Variants in CDH2 observed in about 807,000 individuals in gnomAD.
CDH2 encodes the protein cadherin-2.
In CDH2, 17 loss-of-function variants were observed where a neutral mutation model predicts 92.0. That is an observed-to-expected ratio of 0.18 (90% CI 0.13 to 0.28). CDH2 has a LOEUF of 0.28. CDH2 is among the 10% of genes least tolerant of loss of function. CDH2 has a pLI of 1.00. For missense variants in CDH2, 862 were observed against 1,133.1 expected (o/e 0.76, Z 3.44); for synonymous variants, 419 against 415.9 (o/e 1.01, Z -0.09).
chr18:27,959,433 C>A (rs1182392994), intron 15 of CDH2: 1 of 152,204 alleles, frequency 6.6e-6, no homozygotes, highest in Non-Finnish European at 1.5e-5. Context: ...TGGTGCTCTG[C>A]TAAATCAAAT....
At chr18:27,954,740 AT>A (rs1317172687) in intron 15 of CDH2, 1 of 152,210 alleles carries the variant, frequency 6.6e-6, no homozygotes, top group Non-Finnish European at 1.5e-5. Flanking sequence ...GTTTGTGTTT[AT>A]TCATTAGATT....
At chr18:28,036,529 T>C (rs2013833470) in intron 2 of CDH2, 7 of 1,607,120 alleles carry the variant, frequency 4.4e-6, no homozygotes, top group Non-Finnish European at 6.0e-6. Flanking sequence ...GATACACACA[T>C]AACGCCTTAA....
intron 2 of CDH2, among the ~76,000 whole-genome samples, chr18:28,061,145 G>C (rs72639459): frequency 0.17 from 25,180 of 151,928 alleles, 2,414 homozygotes; most frequent in East Asian, 0.3. Context: ...TTCTCAGTGT[G>C]GCCATGTATA....
chr18:27,959,237 CAT>C (rs1034712734), intron 15 of CDH2, among the ~76,000 whole-genome samples: 3 of 152,130 alleles, frequency 2.0e-5, no homozygotes, highest in African/African-American at 4.8e-5. Context: ...AATTCAAAAA[CAT>C]GTGACTTATT....
chr18:27,952,069 G>C lies in CDH2; in HGVS notation c.*84C>G. On this transcript the variant is annotated 3_prime_UTR_variant, in exon 16 of 16. Transcript: ENST00000269141. ...AAGCACTGTGCTAGTAGACTACAAA[G>C]TTAAAGCCTAGCTTCTGAATGCTTT... 8.0e-7 allele frequency: 1 copy of C among 1,246,824 alleles called. No individual in the cohort carries two copies. The highest frequency in any genetic ancestry group is 1.2e-6 in the Non-Finnish European group (1 of 851,436). 77.2% of individuals were successfully genotyped at this position (1,246,824 alleles called of 1,614,324 possible).
chr18:28,161,255 T>C lies in CDH2; in HGVS notation c.61-13471A>G, dbSNP rs367695599. ...CTTTGAAAACTGTTAAGACTGTTGC[T>C]GTGGTCATCATTTGGTTTGGGAACT... On this transcript the variant is annotated intron_variant, in intron 1 of 15. Coordinates refer to ENST00000269141, the MANE Select transcript of CDH2 (RefSeq NM_001792.5). Among the ~76,000 whole-genome samples the C allele has an allele frequency of 5.9e-5, 9 of 152,188 alleles. No homozygotes were observed. In the East Asian group the frequency reaches 9.7e-4, roughly 16 times the overall value.
At position 28,111,252 on chromosome 18, in the gene CDH2, C is replaced by T. The variant is rs1219965; in HGVS notation, c.172+36421G>A. Among the ~76,000 whole-genome samples, 528 of 152,292 alleles carry T rather than the reference C, an allele frequency of 3.5e-3. 1 individual carries two copies. Among genetic ancestry groups the T allele is most frequent in the South Asian group, 0.015 (72 of 4,830 alleles). On this transcript the variant is annotated intron_variant, in intron 2 of 15. Coordinates refer to ENST00000269141, the MANE Select transcript of CDH2 (RefSeq NM_001792.5). The stretch of plus-strand genomic sequence containing the variant: ...TTAGCCTCAGCCTTCTCCTCTGTCC[C>T]GGAGCCCACTTGCTGACCTAGACAG...
chr18:27,979,791 G>T (rs1331752857), intron 14 of CDH2, among the ~76,000 whole-genome samples: 9 of 152,112 alleles, frequency 5.9e-5, no homozygotes. Context: ...AAAAAGAGTG[G>T]TTACTTTGGA....
At chr18:28,126,084 T>A (rs2015672998) in intron 2 of CDH2, among the ~76,000 whole-genome samples, 1 of 152,158 alleles carries the variant, frequency 6.6e-6, no homozygotes, top group South Asian at 2.1e-4. Flanking sequence ...ATGAGATTGT[T>A]AAAAGTTTAT....
At chr18:28,137,135 T>C (rs1461128619) in intron 2 of CDH2, among the ~76,000 whole-genome samples, 1 of 152,206 alleles carries the variant, frequency 6.6e-6, no homozygotes, top group Non-Finnish European at 1.5e-5. Context: ...TGAGTCCATA[T>C]GTTGAAGGGC....
At chr18:28,036,470 C>G in intron 2 of CDH2, 5 of 1,521,774 alleles carry the variant, frequency 3.3e-6, no homozygotes, top group Non-Finnish European at 4.5e-6. Context: ...TTTTTGTTAC[C>G]TGAAAGGAAA....
chr18:28,013,619 A>T, intron 3 of CDH2, 64 bp downstream of exon 3: 1 of 1,140,978 alleles, frequency 8.8e-7, no homozygotes, highest in South Asian at 1.2e-5. Context: ...CAAAGCATAT[A>T]TTTAGTTCAA....
At chr18:27,945,034 A>G (rs1909235426) in intron 6 of CDH2, among the ~76,000 whole-genome samples, 1 of 152,152 alleles carries the variant, frequency 6.6e-6, no homozygotes, top group Non-Finnish European at 1.5e-5. Flanking sequence ...TAGAAATTGA[A>G]GGTACTGGAA....
chr18:27,984,289 A>G (rs2012154135), intron 13 of CDH2, among the ~76,000 whole-genome samples: 1 of 152,234 alleles, frequency 6.6e-6, no homozygotes, highest in South Asian at 2.1e-4. Context: ...TGCTATTCAC[A>G]ATAAAACACA....
At chr18:28,024,129 A>G (rs1436493008) in intron 2 of CDH2, among the ~76,000 whole-genome samples, 1 of 152,198 alleles carries the variant, frequency 6.6e-6, no homozygotes, top group African/African-American at 2.4e-5. Context: ...TTTGGGGTAG[A>G]CTGCCACAAA....
At chr18:28,129,485 A>C (rs2015731302) in intron 2 of CDH2, among the ~76,000 whole-genome samples, 1 of 152,202 alleles carries the variant, frequency 6.6e-6, no homozygotes, top group Non-Finnish European at 1.5e-5. Flanking sequence ...AAACAGATGA[A>C]TATCAGTTAG....
At chr18:27,969,462 C>T (rs1005692925) in intron 14 of CDH2, among the ~76,000 whole-genome samples, 1 of 152,202 alleles carries the variant, frequency 6.6e-6, no homozygotes, top group Non-Finnish European at 1.5e-5. Context: ...TAGGTTCACT[C>T]TTTGATGTAA....
intron 1 of CDH2, among the ~76,000 whole-genome samples, chr18:28,154,107 AC>A (rs1464805062): frequency 6.6e-6 from 1 of 152,220 alleles, no homozygotes; most frequent in African/African-American, 2.4e-5. Flanking sequence ...CGGCACAGCT[AC>A]CTTTTGACCC....
chr18:27,982,448 A>C (rs2012085561), intron 14 of CDH2, among the ~76,000 whole-genome samples: 1 of 152,212 alleles, frequency 6.6e-6, no homozygotes, highest in Non-Finnish European at 1.5e-5. Flanking sequence ...CTAACTTCAA[A>C]TATTTCACAA....
Sources: allele counts gnomAD v4.1 joint callset (sites outside exome capture counted in the v4.1 genomes callset), GRCh38; gene constraint gnomAD v4.1.1; transcripts MANE v1.5; gene names NCBI Gene and HGNC (gene_info 2026-07-23, HGNC 2026-07-21).